The following COQ3 variants were observed in gnomAD, a reference collection of about 807,000 sequenced individuals.
COQ3 encodes ubiquinone biosynthesis O-methyltransferase, mitochondrial.
COQ3 carries 29 observed loss-of-function variants against 33.1 expected under a neutral mutation model. The ratio of observed to expected loss-of-function variants is 0.88; its 90% CI spans 0.65 to 1.19. The LOEUF is 1.19. Ranked by LOEUF, COQ3 falls within the 50% of genes most tolerant of loss-of-function variation. The probability of loss-of-function intolerance (pLI) is 0.00; values close to 1 mark genes in which losing one functional copy is unlikely to be tolerated. For synonymous variants in COQ3, 173 were observed against 157.8 expected (o/e 1.10, Z -0.72); for missense variants, 437 against 430.7 (o/e 1.01, Z -0.13).
chr6:99,374,308 T>TA (rs1562202196), intron 5 of COQ3, among the ~76,000 whole-genome samples: 1 of 151,970 alleles, frequency 6.6e-6, no homozygotes, highest in East Asian at 1.9e-4. Flanking sequence ...CCTTTCAGGG[T>TA]ATGCAAGTGC....
chr6:99,374,222 C>T (rs1244966461), intron 5 of COQ3, among the ~76,000 whole-genome samples: 1 of 151,656 alleles, frequency 6.6e-6, no homozygotes, highest in Non-Finnish European at 1.5e-5. Flanking sequence ...GAGAACTGTA[C>T]CATGGTTTAT....
intron 1 of COQ3, among the ~76,000 whole-genome samples, chr6:99,392,263 A>T (rs1774852689): frequency 6.6e-6 from 1 of 152,160 alleles, no homozygotes; most frequent in African/African-American, 2.4e-5. Context: ...CTTTTACCCT[A>T]CCAATACTTT....
At chr6:99,388,920 CACACACA>C (rs1774740387) in intron 1 of COQ3, among the ~76,000 whole-genome samples, 1 of 149,560 alleles carries the variant, frequency 6.7e-6, no homozygotes, top group African/African-American at 2.4e-5. Flanking sequence ...CACACACACA[CACACACA>C]CACACACCCA....
chr6:99,376,068 T>C lies in COQ3; in HGVS notation c.601A>G (p.Arg201Gly). ...DPVLDKRIEY[R>G]VCSLEEIVEE... ...ACAATCTCTTCCAGGGAACACACTC[T>C]GTACTCTATTCTCTTATCCAGGACT... is the stretch of plus-strand genomic sequence containing the variant. Residue 201 changes from arginine (R) to glycine (G), a missense_variant, in exon 5 of 7, where the codon AGA becomes GGA. Arg to Gly is a moderately radical substitution (Grantham distance 125). Transcript: ENST00000254759. 6.2e-7 allele frequency: 1 copy of C among 1,614,188 alleles called. No individual in the cohort carries two copies. The highest frequency in any genetic ancestry group is 2.2e-5 in the East Asian group (1 of 44,884).
At chr6:99,378,083 C>A (rs1021096301) in intron 3 of COQ3, among the ~76,000 whole-genome samples, 6 of 132,624 alleles carry the variant, frequency 4.5e-5, no homozygotes, top group Non-Finnish European at 9.4e-5. Context: ...TATATATACA[C>A]CTAACAGTAT....
chr6:99,388,190 A>C (rs969911839), intron 1 of COQ3, among the ~76,000 whole-genome samples: 1 of 152,116 alleles, frequency 6.6e-6, no homozygotes, highest in African/African-American at 2.4e-5. Context: ...AAATAAAATA[A>C]AAAAAGAAAG....
At chr6:99,372,167 G>A (rs1774161454) in intron 5 of COQ3, among the ~76,000 whole-genome samples, 1 of 152,072 alleles carries the variant, frequency 6.6e-6, no homozygotes, top group African/African-American at 2.4e-5. Context: ...ACTTTGAGAG[G>A]CTAAGGCGGG....
intron 1 of COQ3, among the ~76,000 whole-genome samples, chr6:99,389,415 G>A (rs750880685): frequency 2.6e-5 from 4 of 152,032 alleles, no homozygotes; most frequent in Non-Finnish European, 4.4e-5. Flanking sequence ...GTGAGCCACC[G>A]CACCCAGCCT....
chr6:99,369,622 A>G lies in COQ3; in HGVS notation c.1088T>C (p.Val363Ala). ...LQANACTNPA[V>A]HEKLKK ...AATTCATTTCTTCAGCTTTTCATGC[A>G]CAGCTGGATTGGTGCAGGCATTAGC... The change falls in exon 7 of 7, where the codon GTG (valine) becomes GCG (alanine). Residue 363 changes from valine to alanine, a missense_variant. Val to Ala is a moderately conservative substitution (Grantham distance 64). Transcript: ENST00000254759. 3 of 1,613,588 alleles carry G rather than the reference A, an allele frequency of 1.9e-6. No individual in the cohort carries two copies. The highest frequency in any genetic ancestry group is 2.5e-6 in the Non-Finnish European group (3 of 1,179,680).
At chr6:99,379,572 G>A (rs1443805195) in intron 3 of COQ3, among the ~76,000 whole-genome samples, 3 of 152,144 alleles carry the variant, frequency 2.0e-5, no homozygotes, top group African/African-American at 7.2e-5. Context: ...AAATGGCCTT[G>A]GGCCAGGCAC....
chr6:99,371,709 A>T (rs1379792162), intron 5 of COQ3, 122 bp from the exon 6 acceptor site: 2 of 663,638 alleles, frequency 3.0e-6, no homozygotes, highest in Non-Finnish European at 5.0e-6. Flanking sequence ...TAAAATATAT[A>T]TGTACGCATA....
chr6:99,378,832 A>C (rs1484492278), intron 3 of COQ3, among the ~76,000 whole-genome samples: 1 of 152,150 alleles, frequency 6.6e-6, no homozygotes, highest in Non-Finnish European at 1.5e-5. Context: ...AAAACCAACC[A>C]GGAAGTTCCT....
At chr6:99,376,611 T>C (rs1223145509) in intron 4 of COQ3, among the ~76,000 whole-genome samples, 1 of 152,234 alleles carries the variant, frequency 6.6e-6, no homozygotes, top group Non-Finnish European at 1.5e-5. Context: ...CTAGAAATGA[T>C]TTTTCATAGC....
intron 3 of COQ3, among the ~76,000 whole-genome samples, chr6:99,377,987 T>A (rs1441777638): frequency 4.0e-5 from 6 of 151,272 alleles, no homozygotes; most frequent in Admixed American, 3.3e-4. Context: ...TAAACAGGCA[T>A]CTAAATCAAG....
chr6:99,387,930 C>T (rs1030524000), intron 1 of COQ3, among the ~76,000 whole-genome samples: 6 of 151,830 alleles, frequency 4.0e-5, no homozygotes, highest in Non-Finnish European at 7.4e-5. Flanking sequence ...TTTGGGAGGC[C>T]GAGGCGGGTG....
At chr6:99,375,783 C>T (rs755101989) in intron 5 of COQ3, among the ~76,000 whole-genome samples, 157 bp downstream of exon 5, 5 of 152,182 alleles carry the variant, frequency 3.3e-5, no homozygotes, top group Non-Finnish European at 7.3e-5. Flanking sequence ...AAGAAATCTA[C>T]AGCAGAGATG....
intron 2 of COQ3, among the ~76,000 whole-genome samples, chr6:99,382,384 T>C (rs974847797): frequency 6.6e-6 from 1 of 152,188 alleles, no homozygotes; most frequent in Non-Finnish European, 1.5e-5. Flanking sequence ...GGTAATGCCA[T>C]TCACATTTTT....
intron 1 of COQ3, among the ~76,000 whole-genome samples, chr6:99,390,372 C>T (rs1019246278): frequency 4.8e-5 from 7 of 145,834 alleles, no homozygotes; most frequent in Non-Finnish European, 7.5e-5. Context: ...CTTGCTCTGT[C>T]GCCCAGGCTG....
chr6:99,391,129 C>T (rs1774816867), intron 1 of COQ3, among the ~76,000 whole-genome samples: 1 of 150,382 alleles, frequency 6.6e-6, no homozygotes, highest in Admixed American at 6.6e-5. Context: ...GACAGGGTCT[C>T]GTTGTGTTGC....
Sources: allele counts gnomAD v4.1 joint callset (sites outside exome capture counted in the v4.1 genomes callset), GRCh38; gene constraint gnomAD v4.1.1; transcripts MANE v1.5; gene names NCBI Gene and HGNC (gene_info 2026-07-23, HGNC 2026-07-21).